HELLS: variants seen among roughly 807,000 people sequenced by gnomAD.
The protein encoded by HELLS is lymphoid-specific helicase.
A neutral mutation model predicts 120.0 loss-of-function variants in HELLS; 32 were observed. The ratio of observed to expected loss-of-function variants is 0.27; its 90% CI spans 0.20 to 0.36. The LOEUF (loss-of-function observed/expected upper bound fraction) is 0.36. Among genes scored for constraint, HELLS ranks in the 10% least tolerant of loss-of-function variants. HELLS has a pLI of 1.00. For missense variants in HELLS, 650 were observed against 993.4 expected, an observed-to-expected ratio of 0.65 and a Z score of 4.65; for synonymous variants, 341 against 323.4, an observed-to-expected ratio of 1.05 and a Z score of -0.58.
chr10:94,596,109 C>T (rs1415764288), intron 19 of HELLS, among the ~76,000 whole-genome samples: 1 of 152,148 alleles, frequency 6.6e-6, no homozygotes, highest in African/African-American at 2.4e-5. Context: ...GTGTGAGCCA[C>T]TGTGCTCAGC....
chr10:94,562,757 T>C (rs1843619831), intron 5 of HELLS, 30 bp downstream of exon 5: 1 of 1,554,510 alleles, frequency 6.4e-7, no homozygotes, highest in Admixed American at 1.8e-5. Flanking sequence ...TTTTGAAGAA[T>C]ATGCGTTTAT....
At chr10:94,608,013 C>T in exon 9 of HELLS, 1 of 305,046 alleles carries the variant, frequency 3.3e-6, no homozygotes. Context: ...GCGTGAGCCA[C>T]TGCGTGGCCT....
At chr10:94,602,988 C>G (rs541412547), downstream of HELLS, among the ~76,000 whole-genome samples, 12 of 152,280 alleles carry the variant, frequency 7.9e-5, no homozygotes, top group African/African-American at 2.9e-4. Context: ...TCTCCTCCCT[C>G]TCACTTTGCT....
intron 9 of HELLS, among the ~76,000 whole-genome samples, chr10:94,608,548 A>T (rs1846153943): frequency 6.6e-6 from 1 of 152,238 alleles, no homozygotes. Context: ...GTGGTCAAAG[A>T]AAGGTCTCTT....
Position 94,574,700 on chromosome 10 carries a change from T to C in HELLS, c.852T>C (p.Pro284=), listed in dbSNP as rs756590860. The C allele has an allele frequency of 2.5e-6, 4 of 1,613,552 alleles. No individual in the cohort carries two copies. Among genetic ancestry groups the C allele is most frequent in the Non-Finnish European group, 2.5e-6 (3 of 1,179,750 alleles). ...TCTGTGGCCCTTTGTCTACACTTCCTAACTGGATGGCTGAATTCAAAAGAT... is the reference window on the plus strand; with the variant it reads ...TCTGTGGCCCTTTGTCTACACTTCCCAACTGGATGGCTGAATTCAAAAGAT... ...FLVCGPLSTL[P]NWMAEFKRFT... is the part of the protein sequence containing the mutation. The change falls in exon 9 of 22, where the codon CCT becomes CCC. Residue 284 remains proline, a synonymous_variant. Transcript: ENST00000348459.
rs772100877 is a variant in HELLS at position 94,546,417 on chromosome 10, T to G, written c.72T>G (p.Ala24=). The G allele has an allele frequency of 6.2e-7, 1 of 1,614,186 alleles. No individual in the cohort carries two copies. The highest frequency in any genetic ancestry group is 2.2e-5 in the East Asian group (1 of 44,882). Residue 24 remains alanine, a synonymous_variant, in exon 2 of 22, where the codon GCT becomes GCG. Transcript: ENST00000348459. The stretch of plus-strand genomic sequence containing the variant: ...CAATGGTTGAACAACTGGACACTGC[T>G]GTGATTACCCCGGCCATGCTAGAAG... ...APAMVEQLDT[A]VITPAMLEEE... is the part of the protein sequence containing the mutation.
chr10:94,593,210 T>C (rs3781263), intron 17 of HELLS, among the ~76,000 whole-genome samples: 5,183 of 152,302 alleles, frequency 0.034, 259 homozygotes, highest in African/African-American at 0.11. Context: ...CCACCCCATG[T>C]GTTTAGACAA....
In HELLS at chr10:94,597,092, A is replaced by G; in HGVS notation, c.2403A>G (p.Leu801=). ...GTGATAAAGATCTAGAGTTGTTGTT[A>G]GATCGAAGTGATCTTATTGGTAAGT... ...VISDKDLELL[L]DRSDLIDQMN... Residue 801 remains leucine, a synonymous_variant, in exon 21 of 22, where the codon TTA becomes TTG. Coordinates refer to ENST00000348459, the MANE Select transcript of HELLS (RefSeq NM_018063.5). 2 of 1,593,334 alleles carry G rather than the reference A, an allele frequency of 1.3e-6. No individual in the cohort carries two copies. Among genetic ancestry groups the G allele is most frequent in the Non-Finnish European group, 1.7e-6 (2 of 1,162,198 alleles).
rs1845767621 is a variant in HELLS at position 94,596,912 on chromosome 10, T to G, written c.2301T>G (p.Asp767Glu). ...TAAATCTGTCTAAGAATTTCTTAGA[T>G]CCTAAGGAATTAATGGAATTATTAA... ...SGLNLSKNFL[D>E]PKELMELLKS... Residue 767 changes from aspartate to glutamate, a missense_variant, in exon 20 of 22, where the codon GAT (aspartate) becomes GAG (glutamate). Physicochemically the swap from Asp to Glu is conservative, Grantham distance 45. Transcript: ENST00000348459. 1.3e-6 allele frequency: 2 copies of G among 1,520,364 alleles called. No homozygotes were observed. Among genetic ancestry groups the G allele is most frequent in the Non-Finnish European group, 1.8e-6 (2 of 1,096,116 alleles). 94.2% of individuals were successfully genotyped at this position (1,520,364 alleles called of 1,614,324 possible). A position where few individuals can be genotyped will look rare whatever the true frequency, so the allele number is the denominator to read the frequency against.
chr10:94,546,293 G>C (rs963901843), intron 1 of HELLS, 84 bp from the exon 2 acceptor site: 7 of 1,547,380 alleles, frequency 4.5e-6, no homozygotes, highest in Non-Finnish European at 6.2e-6. Context: ...TGCATCTCGG[G>C]TGGGAGAAAG....
chr10:94,592,113 T>C, intron 15 of HELLS, 116 bp from the exon 16 acceptor site: 1 of 667,882 alleles, frequency 1.5e-6, no homozygotes, highest in Non-Finnish European at 2.5e-6. Context: ...AACAGGTCAG[T>C]TTTTAAGTTT....
rs1397781966 is a variant in HELLS, at chr10:94,601,646, A to T, written c.*24A>T. The stretch of plus-strand genomic sequence containing the variant: ...AAAGTGGAGCTCAAGAATAGCTTTT[A>T]AAAGTTCTTATTTACATCTAGTGAT... On this transcript the variant is annotated 3_prime_UTR_variant, in exon 22 of 22. Coordinates refer to ENST00000348459, the MANE Select transcript of HELLS (RefSeq NM_018063.5). 8.0e-7 allele frequency: 1 copy of T among 1,251,238 alleles called. No homozygotes were observed. The allele number at this position is 1,251,238 out of a possible 1,614,324, so 77.5% of individuals were successfully genotyped here.
At position 94,594,722 on chromosome 10, in the gene HELLS, G is replaced by C. The variant is rs746512654; in HGVS notation, c.2116G>C (p.Asp706His). 6.2e-7 allele frequency: 1 copy of C among 1,613,654 alleles called. No individual in the cohort carries two copies. Among genetic ancestry groups the C allele is most frequent in the Non-Finnish European group, 8.5e-7 (1 of 1,179,702 alleles). ...WNPQSDLQAQ[D>H]RCHRIGQTKP... ...CCCCCAGTCGGATCTTCAGGCCCAG[G>C]ATAGATGTCATAGAATTGGTCAGAC... The change falls in exon 19 of 22, where the codon GAT (aspartate) becomes CAT (histidine). Residue 706 changes from aspartate to histidine, a missense_variant. Around this residue, in one of 9 missense-constraint regions of HELLS, gnomAD observed 22 missense variants for 78.2 expected, o/e 0.28. Coordinates refer to ENST00000348459, the MANE Select transcript of HELLS (RefSeq NM_018063.5).
At chr10:94,574,288 T>C (rs767449261) in intron 8 of HELLS, 101 bp downstream of exon 8, 79 of 800,018 alleles carry the variant, frequency 9.9e-5, no homozygotes, top group Non-Finnish European at 1.4e-4. Flanking sequence ...CATGTTTCAC[T>C]ATTATACATT....
At chr10:94,546,344 A>G in intron 1 of HELLS, 33 bp from the exon 2 acceptor site, 1 of 1,613,334 alleles carries the variant, frequency 6.2e-7, no homozygotes, top group Non-Finnish European at 8.5e-7. Context: ...AATTTTTTTA[A>G]AACTGCAATT....
At chr10:94,593,971 ATTT>A (rs904284453) in intron 18 of HELLS, among the ~76,000 whole-genome samples, 5 of 122,302 alleles carry the variant, frequency 4.1e-5, no homozygotes, top group African/African-American at 9.3e-5. Flanking sequence ...TCCATTCTGA[ATTT>A]TTTTTTTTTT....
At chr10:94,559,241 A>G (rs1843426837) in intron 4 of HELLS, among the ~76,000 whole-genome samples, 3 of 152,244 alleles carry the variant, frequency 2.0e-5, no homozygotes, top group South Asian at 4.1e-4. Flanking sequence ...ATTTAGCACC[A>G]TAACTTTTGC....
At chr10:94,582,927 T>TA in intron 11 of HELLS, 36 bp from the exon 12 acceptor site, 1 of 1,111,942 alleles carries the variant, frequency 9.0e-7, no homozygotes, top group Non-Finnish European at 1.3e-6. Flanking sequence ...TAATTGAATT[T>TA]ATGTGATGGT....
At chr10:94,590,589 C>T (rs765035046) in intron 14 of HELLS, 37 bp downstream of exon 14, 1 of 1,609,636 alleles carries the variant, frequency 6.2e-7, no homozygotes, top group Non-Finnish European at 8.5e-7. Flanking sequence ...ATTCTTTAAA[C>T]TGTGACCATT....
Sources: allele counts gnomAD v4.1 joint callset (sites outside exome capture counted in the v4.1 genomes callset), GRCh38; gene constraint gnomAD v4.1.1; regional missense constraint gnomAD v4.1.1; transcripts MANE v1.5; gene names NCBI Gene and HGNC (gene_info 2026-07-23, HGNC 2026-07-21).